Variants in KAZN observed in about 807,000 individuals in gnomAD.
KAZN encodes kazrin.
In KAZN, 40 loss-of-function variants were observed where a neutral mutation model predicts 87.4. The observed-to-expected ratio is 0.46, with a 90% CI of 0.36 to 0.60. The LOEUF (loss-of-function observed/expected upper bound fraction) is 0.60, where lower values mean the gene tolerates loss of function less well. Ranked by LOEUF, KAZN falls within the 20% of genes least tolerant of loss-of-function variation. The pLI is 0.00. For synonymous variants in KAZN, 466 were observed against 458.3 expected (o/e 1.02, Z -0.22); for missense variants, 898 against 1,073.9 (o/e 0.84, Z 2.29).
rs540197816 is a variant in KAZN at position 14,321,111 on chromosome 1, G to A, written c.249+140519G>A. On this transcript the variant is annotated intron_variant, in intron 2 of 16. Transcript: ENST00000636203. ...CTGGCAGCCCCAAGTTGCAAAAAAT[G>A]TACCATGAAGCACCCTTTCCACTTC... Among the ~76,000 whole-genome samples the A allele has an allele frequency of 8.1e-4, 123 of 152,298 alleles. 4 individuals carry two copies. The Middle Eastern group carries it at 0.024, about 29-fold the overall frequency.
chr1:14,147,110 A>G (rs1296587652), intron 1 of KAZN, among the ~76,000 whole-genome samples: 2 of 152,102 alleles, frequency 1.3e-5, no homozygotes, highest in Non-Finnish European at 2.9e-5. Context: ...AGCTTACTTT[A>G]TTGTAAAGGA....
intron 2 of KAZN, among the ~76,000 whole-genome samples, chr1:14,570,996 A>C (rs1260782263): frequency 6.6e-6 from 1 of 152,136 alleles, no homozygotes; most frequent in Non-Finnish European, 1.5e-5. Flanking sequence ...CTAGAAACTT[A>C]AATTTTTGAC....
chr1:15,095,258 C>T (rs987020371), intron 10 of KAZN, among the ~76,000 whole-genome samples: 1 of 152,184 alleles, frequency 6.6e-6, no homozygotes, highest in South Asian at 2.1e-4. Flanking sequence ...AGCAGCTCTG[C>T]ACACTGGGCC....
chr1:14,681,910 C>A (rs1277529878), intron 1 of KAZN, among the ~76,000 whole-genome samples: 1 of 151,550 alleles, frequency 6.6e-6, no homozygotes, highest in Non-Finnish European at 1.5e-5. Context: ...CCAGGATGGT[C>A]TCGATCTCCT....
At chr1:14,280,364 C>T (rs1289670294) in intron 2 of KAZN, among the ~76,000 whole-genome samples, 9 of 101,834 alleles carry the variant, frequency 8.8e-5, no homozygotes, top group Non-Finnish European at 1.7e-4. Flanking sequence ...GAGTGAGACT[C>T]CATCTCAAAA....
At chr1:13,894,428 C>T (rs780492719) in intron 1 of KAZN, among the ~76,000 whole-genome samples, 3 of 151,684 alleles carry the variant, frequency 2.0e-5, no homozygotes, top group Non-Finnish European at 4.4e-5. Context: ...GGATGGATGG[C>T]TTGGTGCAAA....
chr1:15,016,288 G>T (rs1397070154), intron 2 of KAZN, among the ~76,000 whole-genome samples: 1 of 152,132 alleles, frequency 6.6e-6, no homozygotes, highest in Non-Finnish European at 1.5e-5. Flanking sequence ...ACCAGAGAAG[G>T]CTTTTTTGTT....
At chr1:15,018,925 G>GTTGTTA (rs1346610286) in intron 2 of KAZN, among the ~76,000 whole-genome samples, 3 of 152,168 alleles carry the variant, frequency 2.0e-5, no homozygotes, top group Admixed American at 1.3e-4. Flanking sequence ...AGGTTGCTAG[G>GTTGTTA]TTGTTATTGT....
chr1:13,909,166 C>A (rs1384958980), intron 1 of KAZN, among the ~76,000 whole-genome samples: 1 of 152,144 alleles, frequency 6.6e-6, no homozygotes, highest in African/African-American at 2.4e-5. Context: ...AGTGTCCAGC[C>A]TTGAATTATG....
At chr1:14,410,805 C>A (rs915867587) in intron 2 of KAZN, among the ~76,000 whole-genome samples, 1 of 152,130 alleles carries the variant, frequency 6.6e-6, no homozygotes, top group Non-Finnish European at 1.5e-5. Context: ...CCAAAAGATG[C>A]CAGCGGCCAC....
chr1:14,365,713 T>C (rs982076150), intron 2 of KAZN, among the ~76,000 whole-genome samples: 9 of 152,154 alleles, frequency 5.9e-5, no homozygotes, highest in African/African-American at 2.2e-4. Flanking sequence ...CACAAACGTC[T>C]TCAGACATTA....
chr1:14,479,210 A>G (rs1395112433), intron 2 of KAZN, among the ~76,000 whole-genome samples: 1 of 152,232 alleles, frequency 6.6e-6, no homozygotes, highest in East Asian at 1.9e-4. Flanking sequence ...AGAAAGGGAC[A>G]CACAGTCCAG....
intron 2 of KAZN, among the ~76,000 whole-genome samples, chr1:14,286,649 C>T (rs1213731260): frequency 6.6e-6 from 1 of 152,208 alleles, no homozygotes; most frequent in East Asian, 1.9e-4. Flanking sequence ...AATAATTCCT[C>T]TGCAGCTATG....
At chr1:14,149,784 A>G in intron 1 of KAZN, among the ~76,000 whole-genome samples, 1 of 152,208 alleles carries the variant, frequency 6.6e-6, no homozygotes, top group East Asian at 1.9e-4. Context: ...TGATTTTTTT[A>G]AAAGCCTAAT....
intron 2 of KAZN, among the ~76,000 whole-genome samples, chr1:14,496,688 G>A (rs757516525): frequency 7.9e-5 from 12 of 151,738 alleles, no homozygotes; most frequent in Non-Finnish European, 1.3e-4. Flanking sequence ...GCTCGGCAGC[G>A]ACTCTAAGAA....
intron 1 of KAZN, among the ~76,000 whole-genome samples, chr1:13,959,553 T>C (rs1362665811): frequency 6.6e-6 from 1 of 152,230 alleles, no homozygotes; most frequent in Non-Finnish European, 1.5e-5. Context: ...TCTGATCCTA[T>C]TGGAACATGG....
chr1:14,409,727 C>T (rs1664151205), intron 2 of KAZN, among the ~76,000 whole-genome samples: 1 of 152,144 alleles, frequency 6.6e-6, no homozygotes, highest in South Asian at 2.1e-4. Context: ...CAAGGAAAAA[C>T]TTCACCATGT....
chr1:14,928,231 A>G (rs6429689), intron 1 of KAZN, among the ~76,000 whole-genome samples: 48,594 of 151,770 alleles, frequency 0.32, 8,595 homozygotes, highest in African/African-American at 0.47. Context: ...CGGGCGGATC[A>G]CGAGGTCAGG....
chr1:14,400,718 TAC>T (rs1448267389), intron 2 of KAZN, among the ~76,000 whole-genome samples: 1 of 152,214 alleles, frequency 6.6e-6, no homozygotes, highest in African/African-American at 2.4e-5. Flanking sequence ...TGCCTAGCTG[TAC>T]TCTCCCAGGC....
Sources: allele counts gnomAD v4.1 joint callset (sites outside exome capture counted in the v4.1 genomes callset), GRCh38; gene constraint gnomAD v4.1.1; transcripts MANE v1.5; gene names NCBI Gene and HGNC (gene_info 2026-07-23, HGNC 2026-07-21).